DHRS7C: variants seen among roughly 807,000 people sequenced by gnomAD.
DHRS7C encodes the protein dehydrogenase/reductase SDR family member 7C.
DHRS7C carries 28 observed loss-of-function variants against 29.6 expected under a neutral mutation model. The ratio of observed to expected loss-of-function variants is 0.95; its 90% CI spans 0.70 to 1.30. The LOEUF (loss-of-function observed/expected upper bound fraction) is 1.30. DHRS7C is among the 50% of genes most tolerant of loss of function. The pLI, the probability that DHRS7C is intolerant of heterozygous loss-of-function variation, is 0.00. For synonymous variants in DHRS7C, 158 were observed against 160.2 expected (o/e 0.99, Z 0.10); for missense variants, 403 against 393.3 (o/e 1.02, Z -0.21).
At chr17:9,777,096 C>G in intron 4 of DHRS7C, 97 bp downstream of exon 4, 3 of 1,017,284 alleles carry the variant, frequency 2.9e-6, no homozygotes, top group South Asian at 3.9e-5. Flanking sequence ...GGACCCTTTC[C>G]CCTGTGACCA....
In DHRS7C at chr17:9,772,880, A is replaced by ATGT. The variant is rs2066339625; in HGVS notation, c.613_614insACA (p.Leu205delinsHisIle). 1.2e-6 allele frequency: 2 copies of ATGT among 1,613,724 alleles called. No individual in the cohort carries two copies. Among genetic ancestry groups the ATGT allele is most frequent in the African/African-American group, 2.7e-5 (2 of 74,848 alleles). ...ATCGTATTCCTCCACTTCGGCTCGGAGGCAGTCAAAGAAGCCCAGGGCTGC... is the reference window on the plus strand; with the variant it reads ...ATCGTATTCCTCCACTTCGGCTCGGATGTGGCAGTCAAAGAAGCCCAGGGCTGC... On this transcript the variant is annotated protein_altering_variant, in exon 5 of 6. Coordinates refer to ENST00000571134, the MANE Select transcript of DHRS7C (RefSeq NM_001105571.3).
chr17:9,779,691 AC>A, intron 3 of DHRS7C, 133 bp downstream of exon 3: 1 of 857,912 alleles, frequency 1.2e-6, no homozygotes. Context: ...GAAAGCTTTC[AC>A]CCAATAGGTA....
intron 5 of DHRS7C, among the ~76,000 whole-genome samples, 183 bp downstream of exon 5, chr17:9,772,584 C>T (rs72822107): frequency 0.063 from 9,601 of 152,202 alleles, 401 homozygotes; most frequent in Non-Finnish European, 0.094. Context: ...ATTCTGTCTA[C>T]CGGGTGCCTC....
intron 1 of DHRS7C, among the ~76,000 whole-genome samples, chr17:9,787,717 AT>A: frequency 6.6e-6 from 1 of 151,750 alleles, no homozygotes; most frequent in Non-Finnish European, 1.5e-5. Context: ...TTTAATTTTA[AT>A]TTTTTTGGGG....
At position 9,774,374 on chromosome 17, in the gene DHRS7C, T is replaced by C. The variant is rs2066349342; in HGVS notation, c.572-1452A>G. On this transcript the variant is annotated intron_variant, in intron 4 of 5. Coordinates refer to ENST00000571134, the MANE Select transcript of DHRS7C (RefSeq NM_001105571.3). This position sits in a 1 kb window ranked among gnomAD's most constrained non-coding sequence, Gnocchi z 5.0. ...ATCTCAGCTCACTGCAATCTCTGCC[T>C]CCCGGGCTCAAGCAATTCTCCAGCC... 6.6e-6 allele frequency among the ~76,000 whole-genome samples: 1 copy of C among 152,194 alleles called. No homozygotes were observed.
rs914208408 is a variant in DHRS7C, at chr17:9,774,349, A to G, written c.572-1427T>C. Among the ~76,000 whole-genome samples the G allele has an allele frequency of 1.3e-5, 2 of 152,112 alleles. No individual in the cohort carries two copies. Among genetic ancestry groups the G allele is most frequent in the African/African-American group, 2.4e-5 (1 of 41,420 alleles). Reference sequence around the variant, plus strand: ...GTCCGGGCTGGAGTACAGTGGCTCAATCTCAGCTCACTGCAATCTCTGCCT... The same window carrying G: ...GTCCGGGCTGGAGTACAGTGGCTCAGTCTCAGCTCACTGCAATCTCTGCCT... On this transcript the variant is annotated intron_variant, in intron 4 of 5. Transcript: ENST00000571134. This position sits in a 1 kb window ranked among gnomAD's most constrained non-coding sequence, Gnocchi z 5.0.
intron 1 of DHRS7C, among the ~76,000 whole-genome samples, chr17:9,784,487 A>T (rs1284002151): frequency 6.6e-6 from 1 of 152,142 alleles, no homozygotes; most frequent in African/African-American, 2.4e-5. Context: ...AACAAAACAA[A>T]ACAAAACAGA....
chr17:9,781,481 C>G lies in DHRS7C; in HGVS notation c.267+1G>C. The stretch of plus-strand genomic sequence containing the variant: ...CCACGCCTACTGCTAGAAGACCTTA[C>G]CTTGCTGGGGTCAGCCACGCTGATC... On this transcript the variant is annotated splice_donor_variant, in intron 2 of 5. Transcript: ENST00000571134. LOFTEE classifies it high-confidence loss of function. 1.9e-6 allele frequency: 3 copies of G among 1,613,920 alleles called. No individual in the cohort carries two copies. The highest frequency in any genetic ancestry group is 2.5e-6 in the Non-Finnish European group (3 of 1,179,832).
chr17:9,775,229 C>T lies in DHRS7C; in HGVS notation c.571+1964G>A, dbSNP rs1322197419. Among the ~76,000 whole-genome samples, 1 of 152,166 alleles carries T rather than the reference C, an allele frequency of 6.6e-6. No individual in the cohort carries two copies. The highest frequency in any genetic ancestry group is 1.5e-5 in the Non-Finnish European group (1 of 68,018). On this transcript the variant is annotated intron_variant, in intron 4 of 5. Transcript: ENST00000571134. This position sits in a 1 kb window ranked among gnomAD's most constrained non-coding sequence, Gnocchi z 4.2. ...ATAACAGACAGAAAGTTTAAAAATA[C>T]AAGGAGCAGTGGGGAGATTCCTAAG...
intron 4 of DHRS7C, among the ~76,000 whole-genome samples, chr17:9,773,787 C>T (rs905495192): frequency 5.3e-5 from 7 of 131,544 alleles, no homozygotes; most frequent in African/African-American, 1.5e-4. Flanking sequence ...TGCAGTGGTG[C>T]GATCTCGGCT....
chr17:9,788,500 C>T (rs922053112), intron 1 of DHRS7C, among the ~76,000 whole-genome samples: 4 of 152,240 alleles, frequency 2.6e-5, no homozygotes, highest in African/African-American at 7.2e-5. Flanking sequence ...AGCCACCGTG[C>T]CTGGCCTTGA....
rs761372573 is a variant in DHRS7C, at chr17:9,781,585, C to T, written c.164G>A (p.Arg55Gln). Residue 55 changes from arginine (R) to glutamine (Q), a missense_variant, in exon 2 of 6, where the codon CGG becomes CAG. Transcript: ENST00000571134. ...AISGLGKECARVFHTGGARLV... is the reference protein window; with the variant it reads ...AISGLGKECAQVFHTGGARLV... ...CCTTGCCCCACCTGTGTGGAACACC[C>T]GAGCACACTCTGTGGGGAAGAAGGA... The T allele has an allele frequency of 5.6e-6, 9 of 1,613,686 alleles. No individual in the cohort carries two copies. The highest frequency in any genetic ancestry group is 1.7e-5 in the Admixed American group (1 of 60,014).
intron 3 of DHRS7C, among the ~76,000 whole-genome samples, chr17:9,778,008 C>T (rs955814752): frequency 7.9e-5 from 12 of 151,820 alleles, no homozygotes; most frequent in African/African-American, 2.9e-4. Context: ...ATAGTATAGG[C>T]GGAATGGGGA....
At chr17:9,781,932 C>T (rs765601067) in intron 1 of DHRS7C, among the ~76,000 whole-genome samples, 1 of 152,228 alleles carries the variant, frequency 6.6e-6, no homozygotes, top group African/African-American at 2.4e-5. Flanking sequence ...ATATCTCAAT[C>T]TAAAGATAAT....
At chr17:9,786,935 T>C (rs2066427297) in intron 1 of DHRS7C, among the ~76,000 whole-genome samples, 1 of 152,124 alleles carries the variant, frequency 6.6e-6, no homozygotes, top group Admixed American at 6.5e-5. Flanking sequence ...CCTCCCTCTC[T>C]TGATGATGAG....
In DHRS7C at chr17:9,791,375, C is replaced by T. The variant is rs2066454619; in HGVS notation, c.-91G>A. 14 of 1,447,694 alleles carry T rather than the reference C, an allele frequency of 9.7e-6. No individual in the cohort carries two copies. In the South Asian group the frequency reaches 1.3e-4, roughly 14 times the overall value. The allele number at this position is 1,447,694 out of a possible 1,614,324, so 89.7% of individuals were successfully genotyped here. The stretch of plus-strand genomic sequence containing the variant: ...CAGGGCAGGGGGAGGCCCAAGGCTG[C>T]AGGGAGCTCAGCTCTGTGCAAGCCT... On this transcript the variant is annotated 5_prime_UTR_variant, in exon 1 of 6. Transcript: ENST00000571134.
At chr17:9,787,740 C>T (rs1401808047) in intron 1 of DHRS7C, among the ~76,000 whole-genome samples, 2 of 152,062 alleles carry the variant, frequency 1.3e-5, no homozygotes, top group Non-Finnish European at 2.9e-5. Context: ...CAGGGTCTCA[C>T]TCTGTCGCCC....
At position 9,791,255 on chromosome 17, in the gene DHRS7C, G is replaced by C. The variant is rs1367070822; in HGVS notation, c.30C>G (p.Pro10=). The C allele has an allele frequency of 5.6e-6, 9 of 1,613,768 alleles. No homozygotes were observed. The East Asian group carries it at 1.8e-4, about 32-fold the overall frequency. Residue 10 remains proline (P), a synonymous_variant, in exon 1 of 6, where the codon CCC becomes CCG. Coordinates refer to ENST00000571134, the MANE Select transcript of DHRS7C (RefSeq NM_001105571.3). The part of the protein sequence containing the change: MGVMAMLML[P]LLLLGISGLL... ...GGCCGCTGATTCCCAGCAGCAGCAG[G>C]GGGAGCATCAGCATGGCCATGACTC...
chr17:9,789,940 G>A (rs2066445385), intron 1 of DHRS7C, among the ~76,000 whole-genome samples: 1 of 152,128 alleles, frequency 6.6e-6, no homozygotes, highest in Admixed American at 6.5e-5. Context: ...AATTGTGTGT[G>A]AGACTCATCT....
Sources: gnomAD v4.1 joint callset for allele counts (sites outside exome capture counted in the v4.1 genomes callset) on GRCh38, gnomAD v4.1.1 for gene constraint, Gnocchi (gnomAD v3.1) non-coding constraint, MANE v1.5 for transcripts, NCBI Gene and HGNC (gene_info 2026-07-23, HGNC 2026-07-21) for gene names.